MDGA2: variants seen among roughly 807,000 people sequenced by gnomAD.
The protein encoded by MDGA2 is MAM domain containing glycosylphosphatidylinositol anchor 2.
MDGA2 carries 40 observed loss-of-function variants against 117.8 expected under a neutral mutation model. The ratio of observed to expected loss-of-function variants is 0.34; its 90% confidence interval spans 0.26 to 0.44. The LOEUF is 0.44. Ranked by LOEUF, MDGA2 falls within the 20% of genes least tolerant of loss-of-function variation. The pLI is 1.00. For synonymous variants in MDGA2, 452 were observed against 439.0 expected, an observed-to-expected ratio of 1.03 and a Z score of -0.37; for missense variants, 1,123 against 1,250.6, an observed-to-expected ratio of 0.90 and a Z score of 1.54.
At chr14:47,473,558 A>T (rs1893773539) in intron 1 of MDGA2, among the ~76,000 whole-genome samples, 1 of 152,168 alleles carries the variant, frequency 6.6e-6, no homozygotes, top group Non-Finnish European at 1.5e-5. Context: ...AATGTAAAAA[A>T]CACTATGAAG....
intron 16 of MDGA2, among the ~76,000 whole-genome samples, chr14:46,845,007 G>A (rs542725123): frequency 6.6e-6 from 1 of 151,874 alleles, no homozygotes; most frequent in Non-Finnish European, 1.5e-5. Flanking sequence ...TCGGCCTCCC[G>A]AGTAGCTGGG....
intron 2 of MDGA2, among the ~76,000 whole-genome samples, chr14:47,249,706 C>A (rs1887380480): frequency 6.6e-6 from 1 of 152,058 alleles, no homozygotes; most frequent in Non-Finnish European, 1.5e-5. Context: ...TAACTTTAGG[C>A]TACATTTTTT....
chr14:47,245,136 A>C (rs1455464686), intron 2 of MDGA2, among the ~76,000 whole-genome samples: 1 of 151,376 alleles, frequency 6.6e-6, no homozygotes, highest in African/African-American at 2.4e-5. Flanking sequence ...AATCCTCCCA[A>C]CTCAAGTCTC....
chr14:47,386,247 T>C (rs61173432), intron 1 of MDGA2, among the ~76,000 whole-genome samples: 39,446 of 151,916 alleles, frequency 0.26, 5,316 homozygotes, highest in South Asian at 0.45. Context: ...CACCATGCAC[T>C]CCAGTGTGCG....
At chr14:47,292,211 G>A (rs577109533) in intron 2 of MDGA2, among the ~76,000 whole-genome samples, 13 of 152,142 alleles carry the variant, frequency 8.5e-5, no homozygotes, top group Non-Finnish European at 1.2e-4. Flanking sequence ...AAGCTTTGAC[G>A]GTAGCATATA....
At chr14:47,002,305 G>C (rs961760261) in intron 8 of MDGA2, among the ~76,000 whole-genome samples, 2 of 152,004 alleles carry the variant, frequency 1.3e-5, no homozygotes, top group South Asian at 2.1e-4. Context: ...ATATATAATG[G>C]TTTATGTGTC....
intron 1 of MDGA2, among the ~76,000 whole-genome samples, chr14:47,536,812 TAAACAGGAA>T (rs1234291947): frequency 1.3e-5 from 2 of 152,240 alleles, no homozygotes; most frequent in South Asian, 4.1e-4. Context: ...GCACTGTTTC[TAAACAGGAA>T]ATGGGTTAAA....
chr14:47,648,099 C>CT lies in MDGA2; in HGVS notation c.280+26417dup, dbSNP rs527603662. ...CTACTCACACACACACAACTTCAAA[C>CT]TTTGTTTCCTGTGAATCTTCCAATG... On this transcript the variant is annotated intron_variant, in intron 1 of 16. Coordinates refer to ENST00000399232, the MANE Select transcript of MDGA2 (RefSeq NM_001113498.3). Among the ~76,000 whole-genome samples, 11 of 152,232 alleles carry CT rather than the reference C, an allele frequency of 7.2e-5. No individual in the cohort carries two copies. In the South Asian group the frequency reaches 2.3e-3, roughly 31 times the overall value.
intron 1 of MDGA2, among the ~76,000 whole-genome samples, chr14:47,478,848 C>G (rs1221560358): frequency 2.6e-5 from 4 of 152,126 alleles, no homozygotes; most frequent in African/African-American, 9.7e-5. Flanking sequence ...AAAGACATGG[C>G]TTTGAAGAAT....
intron 7 of MDGA2, among the ~76,000 whole-genome samples, chr14:47,044,007 C>G (rs1889168341): frequency 6.6e-6 from 1 of 151,986 alleles, no homozygotes; most frequent in Admixed American, 6.6e-5. Context: ...ACGAAAATGT[C>G]CTGATGTAAG....
intron 9 of MDGA2, 92 bp from the exon 10 acceptor site, chr14:46,920,252 A>C (rs1252819943): frequency 1.7e-6 from 2 of 1,175,920 alleles, no homozygotes; most frequent in Admixed American, 5.5e-5. Flanking sequence ...TTTCTACTAT[A>C]TTTTTCATTA....
chr14:47,041,061 A>C (rs1889048497), intron 7 of MDGA2, among the ~76,000 whole-genome samples: 1 of 152,198 alleles, frequency 6.6e-6, no homozygotes, highest in Non-Finnish European at 1.5e-5. Context: ...AAATGTGATA[A>C]ATAATAATGA....
At chr14:46,993,058 A>T (rs1443250144) in intron 8 of MDGA2, among the ~76,000 whole-genome samples, 1 of 151,638 alleles carries the variant, frequency 6.6e-6, no homozygotes, top group African/African-American at 2.4e-5. Flanking sequence ...CATTGTAAAT[A>T]GTTATCCTTA....
chr14:46,847,972 A>G (rs988923739), intron 15 of MDGA2, among the ~76,000 whole-genome samples: 2 of 152,122 alleles, frequency 1.3e-5, no homozygotes, highest in African/African-American at 2.4e-5. Flanking sequence ...TAGAGAGTCA[A>G]TGTTAGAGTA....
intron 4 of MDGA2, among the ~76,000 whole-genome samples, chr14:47,133,135 A>G (rs1882288410): frequency 6.6e-6 from 1 of 151,764 alleles, no homozygotes; most frequent in African/African-American, 2.4e-5. Flanking sequence ...ACAAACAAAA[A>G]AAAACTACCT....
In MDGA2 at chr14:46,966,445, C is replaced by A. The variant is rs116307419; in HGVS notation, c.1820-8802G>T. ...AAAATAGAGGTTGACCTACTCACACCATCATTTAAAATTCACAGCCTTGCA... is the reference window on the plus strand; with the variant it reads ...AAAATAGAGGTTGACCTACTCACACAATCATTTAAAATTCACAGCCTTGCA... On this transcript the variant is annotated intron_variant, in intron 8 of 16. Transcript: ENST00000399232. 3.5e-3 allele frequency among the ~76,000 whole-genome samples: 533 copies of A among 152,268 alleles called. 4 individuals are homozygous for A. The highest frequency in any genetic ancestry group is 0.012 in the African/African-American group (504 of 41,556).
chr14:47,098,264 A>G (rs1381108955), intron 5 of MDGA2, among the ~76,000 whole-genome samples: 1 of 146,302 alleles, frequency 6.8e-6, no homozygotes, highest in Non-Finnish European at 1.5e-5. Flanking sequence ...CGTGTTTGAA[A>G]AAAAAAAAAA....
chr14:47,241,441 C>A (rs1248656199), intron 2 of MDGA2, among the ~76,000 whole-genome samples: 5 of 151,840 alleles, frequency 3.3e-5, no homozygotes, highest in African/African-American at 1.2e-4. Flanking sequence ...AATTCCTTCA[C>A]AGGATAGAAG....
At chr14:47,625,287 C>T (rs1897121162) in intron 1 of MDGA2, among the ~76,000 whole-genome samples, 8 of 151,236 alleles carry the variant, frequency 5.3e-5, no homozygotes, top group Admixed American at 5.3e-4. Flanking sequence ...CACAGATGAT[C>T]CTAAACAATG....
Sources: allele counts gnomAD v4.1 joint callset (sites outside exome capture counted in the v4.1 genomes callset), GRCh38; gene constraint gnomAD v4.1.1; transcripts MANE v1.5; gene names NCBI Gene and HGNC (gene_info 2026-07-23, HGNC 2026-07-21).